The following CEP120 variants were observed in gnomAD, a reference collection of about 807,000 sequenced individuals.
CEP120 encodes centrosomal protein 120, also known as centrosomal protein of 120 kDa.
In CEP120, 113 loss-of-function variants were observed where a neutral mutation model predicts 126.5. The ratio of observed to expected loss-of-function variants is 0.89; its 90% confidence interval spans 0.77 to 1.04. The LOEUF (loss-of-function observed/expected upper bound fraction) is 1.04, where lower values mean the gene tolerates loss of function less well. Among genes scored for constraint, CEP120 ranks in the 50% least tolerant of loss-of-function variants. CEP120 has a pLI of 0.00. For synonymous variants in CEP120, 400 were observed against 394.3 expected, an observed-to-expected ratio of 1.01 and a Z score of -0.17; for missense variants, 1,230 against 1,155.7, an observed-to-expected ratio of 1.06 and a Z score of -0.93.
At chr5:123,404,641 T>C (rs1409377652) in intron 4 of CEP120, among the ~76,000 whole-genome samples, 1 of 152,202 alleles carries the variant, frequency 6.6e-6, no homozygotes, top group African/African-American at 2.4e-5. Context: ...AATTATAATA[T>C]CTTCTCAATT....
intron 13 of CEP120, 25 bp from the exon 14 acceptor site, chr5:123,382,225 C>G: frequency 6.7e-7 from 1 of 1,501,024 alleles, no homozygotes; most frequent in Non-Finnish European, 9.2e-7. Flanking sequence ...AAAATAAAGT[C>G]GCCAAAAAAC....
intron 1 of CEP120, among the ~76,000 whole-genome samples, chr5:123,418,843 A>G (rs1045917119): frequency 2.0e-5 from 3 of 152,160 alleles, no homozygotes; most frequent in African/African-American, 7.2e-5. Context: ...TCGGCCTCCC[A>G]AAGTGCTGGG....
chr5:123,386,479 TTAAA>T (rs1447050422), intron 10 of CEP120, 35 bp downstream of exon 10: 12 of 1,316,620 alleles, frequency 9.1e-6, no homozygotes, highest in Admixed American at 3.0e-5. Flanking sequence ...AAGAATTGAC[TTAAA>T]TTAATTAATA....
Position 123,423,320 on chromosome 5 carries a change from G to A in CEP120, c.-322C>T, listed in dbSNP as rs1008704690. ...GTAGCCGCTTTTCAAACGCCCGGGC[G>A]GCCGCAGCGGCCGCCGCCGCGCCCA... On this transcript the variant is annotated 5_prime_UTR_variant, in exon 1 of 20. Transcript: ENST00000306467. 2 of 362,660 alleles carry A rather than the reference G, an allele frequency of 5.5e-6. No homozygotes were observed. The highest frequency in any genetic ancestry group is 1.0e-5 in the Non-Finnish European group (2 of 198,998). 22.5% of individuals were successfully genotyped at this position (362,660 alleles called of 1,614,324 possible).
chr5:123,415,919 AG>A (rs1774350749), intron 3 of CEP120, 90 bp downstream of exon 3: 2 of 810,180 alleles, frequency 2.5e-6, no homozygotes. Flanking sequence ...GATCAGGTCT[AG>A]TATTTCATGT....
chr5:123,381,826 C>A (rs1771669975), intron 14 of CEP120, among the ~76,000 whole-genome samples: 2 of 151,832 alleles, frequency 1.3e-5, no homozygotes, highest in South Asian at 4.2e-4. Context: ...AACCTCCTGG[C>A]CTCAAGCAAT....
intron 4 of CEP120, among the ~76,000 whole-genome samples, chr5:123,405,263 G>A (rs1773565281): frequency 3.5e-5 from 1 of 28,646 alleles, no homozygotes; most frequent in Admixed American, 5.1e-4. Context: ...ACCAGCCTGA[G>A]AGATAAAAAC....
In CEP120 at chr5:123,392,482, G is replaced by T. The variant is rs556846932; in HGVS notation, c.810+818C>A. On this transcript the variant is annotated intron_variant, in intron 6 of 19. Transcript: ENST00000306467. ...TTGATCAAAAGGAAGTGTCATAAAAGACAGAAGAGTAATGCTTACTAGGTA... is the reference window on the plus strand; with the variant it reads ...TTGATCAAAAGGAAGTGTCATAAAATACAGAAGAGTAATGCTTACTAGGTA... 2.0e-5 allele frequency among the ~76,000 whole-genome samples: 3 copies of T among 152,240 alleles called. No homozygotes were observed. In the South Asian group the frequency reaches 6.2e-4, roughly 32 times the overall value.
intron 1 of CEP120, among the ~76,000 whole-genome samples, chr5:123,420,599 T>A (rs1224125970): frequency 6.6e-6 from 1 of 152,158 alleles, no homozygotes; most frequent in Non-Finnish European, 1.5e-5. Flanking sequence ...AATACAGACA[T>A]TATCCTTTAG....
intron 4 of CEP120, among the ~76,000 whole-genome samples, chr5:123,404,602 G>A (rs1248056208): frequency 6.6e-6 from 1 of 152,146 alleles, no homozygotes; most frequent in Admixed American, 6.5e-5. Context: ...AAGAGAAGAA[G>A]CTGAAGAAAA....
chr5:123,398,713 CTTAAT>C (rs1446505824), intron 5 of CEP120, among the ~76,000 whole-genome samples: 2 of 152,150 alleles, frequency 1.3e-5, no homozygotes, highest in East Asian at 3.9e-4. Flanking sequence ...ACAGTAACAG[CTTAAT>C]TTATTAGTTT....
chr5:123,345,827 G>A lies in CEP120; in HGVS notation c.*692C>T, dbSNP rs925284077. On this transcript the variant is annotated 3_prime_UTR_variant, in exon 20 of 20. Coordinates refer to ENST00000306467, the MANE Select transcript of CEP120 (RefSeq NM_001375405.1). ...TCTAATTTTAACAAAAGAAAACAAT[G>A]CAAACTTGAGGAAGAAACCAACAGA... 4 of 152,024 alleles carry A rather than the reference G, an allele frequency of 2.6e-5. No individual in the cohort carries two copies. The highest frequency in any genetic ancestry group is 9.7e-5 in the African/African-American group (4 of 41,426). The allele number at this position is 152,024 out of a possible 1,614,324, so 9.4% of individuals were successfully genotyped here.
At chr5:123,361,838 TTAA>T (rs1444214619) in intron 18 of CEP120, among the ~76,000 whole-genome samples, 2 of 151,780 alleles carry the variant, frequency 1.3e-5, no homozygotes, top group African/African-American at 4.8e-5. Flanking sequence ...ATTAAACACT[TTAA>T]AACCACTCAT....
Position 123,412,497 on chromosome 5 carries a change from A to T in CEP120, c.365T>A (p.Phe122Tyr). 2 of 1,611,608 alleles carry T rather than the reference A, an allele frequency of 1.2e-6. No homozygotes were observed. Among genetic ancestry groups the T allele is most frequent in the Non-Finnish European group, 1.7e-6 (2 of 1,178,798 alleles). The change falls in exon 4 of 20, where the codon TTC becomes TAC. Residue 122 changes from phenylalanine (F) to tyrosine (Y), a missense_variant. Coordinates refer to ENST00000306467, the MANE Select transcript of CEP120 (RefSeq NM_001375405.1). Reference protein sequence around the residue: ...YQLLSNKYTKFKSEIQISIAL... With the variant: ...YQLLSNKYTKYKSEIQISIAL... ...AATACTTATCTGTATCTCAGACTTGAATTTGGTGTATTTATTACTCAGCAA... is the reference window on the plus strand; with the variant it reads ...AATACTTATCTGTATCTCAGACTTGTATTTGGTGTATTTATTACTCAGCAA...
intron 6 of CEP120, 121 bp downstream of exon 6, chr5:123,393,179 A>G (rs956422196): frequency 3.4e-6 from 3 of 875,476 alleles, no homozygotes; most frequent in Non-Finnish European, 5.3e-6. Context: ...ATGTGGCAGA[A>G]AGATAACCTG....
chr5:123,417,314 TTTTGA>T (rs1200099644), intron 2 of CEP120, among the ~76,000 whole-genome samples: 5 of 152,198 alleles, frequency 3.3e-5, no homozygotes, highest in African/African-American at 1.2e-4. Context: ...TAACTTTCCA[TTTTGA>T]TTTAATTTAG....
At chr5:123,415,972 C>G (rs1014883525) in intron 3 of CEP120, 38 bp downstream of exon 3, 3 of 1,316,382 alleles carry the variant, frequency 2.3e-6, no homozygotes, top group Non-Finnish European at 3.3e-6. Flanking sequence ...AATCGACTGT[C>G]TAACATAATC....
Position 123,409,971 on chromosome 5 carries a change from C to CA in CEP120, c.463+2427dup, listed in dbSNP as rs1353891467. Among the ~76,000 whole-genome samples the CA allele has an allele frequency of 5.1e-3, 344 of 67,580 alleles. 2 individuals carry two copies. Among genetic ancestry groups the CA allele is most frequent in the East Asian group, 0.024 (50 of 2,068 alleles). The allele number at this position is 67,580 out of a possible 152,430, so 44.3% of individuals were successfully genotyped here. A position where few individuals can be genotyped will look rare whatever the true frequency, so the allele number is the denominator to read the frequency against. ...ATCCTGTCTCAAAAAACAAAACAAG[C>CA]AAAAAAAAAAAAAAAAAAAACCACA... On this transcript the variant is annotated intron_variant, in intron 4 of 19. Coordinates refer to ENST00000306467, the MANE Select transcript of CEP120 (RefSeq NM_001375405.1).
chr5:123,400,338 AAATAATG>A (rs1292190676), intron 4 of CEP120, among the ~76,000 whole-genome samples: 1 of 152,164 alleles, frequency 6.6e-6, no homozygotes, highest in Admixed American at 6.5e-5. Flanking sequence ...AGATCAAATC[AAATAATG>A]AAAGCAAAGC....
Sources: gnomAD v4.1 joint callset for allele counts (sites outside exome capture counted in the v4.1 genomes callset) on GRCh38, gnomAD v4.1.1 for gene constraint, MANE v1.5 for transcripts, NCBI Gene and HGNC (gene_info 2026-07-23, HGNC 2026-07-21) for gene names.